The following SUCLA2 variants were observed in gnomAD, a reference collection of about 807,000 sequenced individuals.
The protein encoded by SUCLA2 is succinate--CoA ligase [ADP-forming] subunit beta, mitochondrial.
A neutral mutation model predicts 54.8 loss-of-function variants in SUCLA2; 30 were observed. That is an observed-to-expected ratio of 0.55 (90% CI 0.41 to 0.74). The LOEUF (loss-of-function observed/expected upper bound fraction) is 0.74. Ranked by LOEUF, SUCLA2 falls within the 30% of genes least tolerant of loss-of-function variation. The pLI, the probability that SUCLA2 is intolerant of heterozygous loss-of-function variation, is 0.00. For synonymous variants in SUCLA2, 172 were observed against 188.9 expected, an observed-to-expected ratio of 0.91 and a Z score of 0.74; for missense variants, 476 against 562.9, an observed-to-expected ratio of 0.85 and a Z score of 1.56.
chr13:47,944,196 C>CT (rs138316313), intron 10 of SUCLA2, among the ~76,000 whole-genome samples: 5,846 of 152,156 alleles, frequency 0.038, 364 homozygotes, highest in African/African-American at 0.13. Flanking sequence ...TAGCCTGTTT[C>CT]TTCATCTATA....
At position 47,943,376 on chromosome 13, in the gene SUCLA2, T is replaced by C. The variant is rs758945923; in HGVS notation, c.1387A>G (p.Ile463Val). 3 of 1,613,770 alleles carry C rather than the reference T, an allele frequency of 1.9e-6. No individual in the cohort carries two copies. The highest frequency in any genetic ancestry group is 4.5e-5 in the East Asian group (2 of 44,812). Residue 463 changes from isoleucine (I) to valine (V), a missense_variant, in exon 11 of 11, where the codon ATA becomes GTA. By Grantham distance (29) the Ile-to-Val change is conservative. This residue lies in a region of SUCLA2 where 342 missense variants were observed against 444.2 expected (regional missense o/e 0.77). Transcript: ENST00000646932. ...AHVDVKFQLP[I>V] ...CCATCCACTGGGTTTTCAGATCATA[T>C]TGGCAACTGAAATTTCACATCCACA...
chr13:47,986,454 G>A (rs1478301645), intron 4 of SUCLA2, among the ~76,000 whole-genome samples: 4 of 152,192 alleles, frequency 2.6e-5, no homozygotes, highest in Admixed American at 6.5e-5. Context: ...ACCTTTGTCG[G>A]AAGGATAGAT....
chr13:47,953,966 GTC>G (rs1327095786), intron 8 of SUCLA2, among the ~76,000 whole-genome samples, 172 bp downstream of exon 8: 2 of 151,924 alleles, frequency 1.3e-5, no homozygotes, highest in Non-Finnish European at 2.9e-5. Flanking sequence ...TTTCAGAAGA[GTC>G]TCTTGGTGAA....
At chr13:47,974,639 A>G (rs1017064838) in intron 4 of SUCLA2, among the ~76,000 whole-genome samples, 2 of 152,214 alleles carry the variant, frequency 1.3e-5, no homozygotes, top group Non-Finnish European at 2.9e-5. Context: ...GTTTGAAAGA[A>G]TAGCTCTGGC....
chr13:48,000,984 G>A (rs1950226174), intron 1 of SUCLA2, 196 bp downstream of exon 1: 2 of 1,441,658 alleles, frequency 1.4e-6, no homozygotes, highest in South Asian at 1.4e-5. Flanking sequence ...CTAAGGGCTG[G>A]GTCAGAGCCG....
chr13:47,947,113 G>T (rs1426555673), intron 10 of SUCLA2, among the ~76,000 whole-genome samples: 1 of 152,092 alleles, frequency 6.6e-6, no homozygotes, highest in Non-Finnish European at 1.5e-5. Flanking sequence ...TTCTCAGAAG[G>T]ATGCAACAGT....
chr13:47,981,311 T>C (rs780361961), intron 4 of SUCLA2, among the ~76,000 whole-genome samples: 11 of 152,220 alleles, frequency 7.2e-5, no homozygotes, highest in African/African-American at 1.2e-4. Context: ...AGGACTTAAA[T>C]AGACATTTCT....
chr13:47,944,885 G>T (rs545566603), intron 10 of SUCLA2, among the ~76,000 whole-genome samples: 2 of 152,198 alleles, frequency 1.3e-5, no homozygotes, highest in Non-Finnish European at 2.9e-5. Flanking sequence ...CACTTTGGAA[G>T]GCCGAGGTGG....
chr13:47,997,120 T>C, intron 1 of SUCLA2, 97 bp from the exon 2 acceptor site: 1 of 1,269,932 alleles, frequency 7.9e-7, no homozygotes, highest in Non-Finnish European at 1.1e-6. Flanking sequence ...ACTGTTACAT[T>C]ACATTAGCAA....
Position 47,948,995 on chromosome 13 carries a change from G to T in SUCLA2, c.1262C>A (p.Ala421Glu). Residue 421 changes from alanine to glutamate, a missense_variant, in exon 10 of 11, where the codon GCG (alanine) becomes GAG (glutamate). Coordinates refer to ENST00000646932, the MANE Select transcript of SUCLA2 (RefSeq NM_003850.3). ...AGCAAGTATTTTAAGTCCACTGTCC[G>T]CTATCAGTGCCTTAGCATCATCGAC... ...TRVDDAKALI[A>E]DSGLKILACD... The T allele has an allele frequency of 6.2e-7, 1 of 1,613,696 alleles. No homozygotes were observed. The highest frequency in any genetic ancestry group is 8.5e-7 in the Non-Finnish European group (1 of 1,179,718).
At chr13:47,975,145 C>A in intron 4 of SUCLA2, among the ~76,000 whole-genome samples, 1 of 150,234 alleles carries the variant, frequency 6.7e-6, no homozygotes, top group African/African-American at 2.4e-5. Context: ...AGACTAATTC[C>A]ACTTTTCTTT....
At chr13:47,986,646 C>T (rs1256591373) in intron 4 of SUCLA2, among the ~76,000 whole-genome samples, 4 of 152,120 alleles carry the variant, frequency 2.6e-5, no homozygotes, top group African/African-American at 9.7e-5. Context: ...AATGGTATTA[C>T]CTAGATTTCC....
At chr13:47,972,284 AC>A (rs1186087950) in intron 5 of SUCLA2, among the ~76,000 whole-genome samples, 4 of 152,046 alleles carry the variant, frequency 2.6e-5, no homozygotes, top group African/African-American at 9.7e-5. Flanking sequence ...ACAATGAAGA[AC>A]CGTATTTGGA....
At chr13:47,982,639 T>C (rs1950068596) in intron 4 of SUCLA2, among the ~76,000 whole-genome samples, 1 of 152,128 alleles carries the variant, frequency 6.6e-6, no homozygotes, top group Non-Finnish European at 1.5e-5. Flanking sequence ...TCCTTCTTTC[T>C]TTCTGAGAAT....
At chr13:47,960,391 T>C (rs1045689269) in intron 6 of SUCLA2, among the ~76,000 whole-genome samples, 2 of 152,230 alleles carry the variant, frequency 1.3e-5, no homozygotes, top group African/African-American at 4.8e-5. Flanking sequence ...TCTAAAGAAC[T>C]ACAAGAGCTT....
At chr13:47,987,963 C>T (rs1278032762) in intron 4 of SUCLA2, 1 of 152,040 alleles carries the variant, frequency 6.6e-6, no homozygotes, top group African/African-American at 2.4e-5. Context: ...TTCTCTTCAC[C>T]AGAAGCTTTA....
intron 4 of SUCLA2, among the ~76,000 whole-genome samples, chr13:47,976,320 T>A (rs1180218063): frequency 1.3e-5 from 2 of 152,182 alleles, no homozygotes; most frequent in African/African-American, 4.8e-5. Context: ...ACATCTGCAA[T>A]GAAATCAGTA....
At chr13:47,993,603 A>C (rs925066467) in intron 2 of SUCLA2, among the ~76,000 whole-genome samples, 13 of 152,210 alleles carry the variant, frequency 8.5e-5, no homozygotes, top group African/African-American at 2.9e-4. Flanking sequence ...CTGGGTAAAG[A>C]GGCTCAGTGG....
rs1219652990 is a variant in SUCLA2 at position 47,943,742 on chromosome 13, GTA to G, written c.1318-299_1318-298del. ...ATGTGTGTATAAAATGTGTGTGTAT[GTA>G]TGTGTGTGTGTGTGTGTGTGTGTAT... On this transcript the variant is annotated intron_variant, in intron 10 of 10. Transcript: ENST00000646932. Among the ~76,000 whole-genome samples the G allele has an allele frequency of 2.9e-3, 357 of 123,626 alleles. 1 individual carries two copies. Among genetic ancestry groups the G allele is most frequent in the African/African-American group, 9.9e-3 (310 of 31,370 alleles). 81.1% of individuals were successfully genotyped at this position (123,626 alleles called of 152,430 possible).
Sources: gnomAD v4.1 joint callset for allele counts (sites outside exome capture counted in the v4.1 genomes callset) on GRCh38, gnomAD v4.1.1 for gene constraint, gnomAD v4.1.1 regional missense constraint, MANE v1.5 for transcripts, NCBI Gene and HGNC (gene_info 2026-07-23, HGNC 2026-07-21) for gene names.